Variants in PELI2 observed in about 807,000 individuals in gnomAD.
PELI2 encodes the protein E3 ubiquitin-protein ligase pellino homolog 2.
A neutral mutation model predicts 42.3 loss-of-function variants in PELI2; 23 were observed. The ratio of observed to expected loss-of-function variants is 0.54; its 90% CI spans 0.39 to 0.77. The LOEUF is 0.77. Ranked by LOEUF, PELI2 falls within the 30% of genes least tolerant of loss-of-function variation. The probability of loss-of-function intolerance (pLI) is 0.00; values close to 1 mark genes in which losing one functional copy is unlikely to be tolerated. For missense variants in PELI2, 463 were observed against 553.2 expected, an observed-to-expected ratio of 0.84 and a Z score of 1.64; for synonymous variants, 245 against 212.2, an observed-to-expected ratio of 1.15 and a Z score of -1.34.
chr14:56,168,272 C>T (rs1405221443), intron 1 of PELI2, among the ~76,000 whole-genome samples: 4 of 150,572 alleles, frequency 2.7e-5, no homozygotes, highest in African/African-American at 4.9e-5. Context: ...TGCCCCCCCC[C>T]AGACCCTGGG....
chr14:56,177,761 T>C lies in PELI2; in HGVS notation c.78-574T>C, dbSNP rs1594612795. On this transcript the variant is annotated intron_variant, in intron 1 of 5. Transcript: ENST00000267460. ...TGCTAACAAAAATATATTTAATTTC[T>C]GCAAGCTGTCTTTTGCTAATCTGAC... Among the ~76,000 whole-genome samples the C allele has an allele frequency of 2.6e-5, 4 of 152,360 alleles. No homozygotes were observed. The South Asian group carries it at 8.3e-4, about 32-fold the overall frequency.
intron 1 of PELI2, among the ~76,000 whole-genome samples, chr14:56,169,751 C>T (rs1885099650): frequency 6.6e-6 from 1 of 152,160 alleles, no homozygotes; most frequent in Non-Finnish European, 1.5e-5. Context: ...TGGGTGGAGC[C>T]TTTAATTCTG....
At chr14:56,209,601 A>G (rs1886643786) in intron 2 of PELI2, among the ~76,000 whole-genome samples, 1 of 152,206 alleles carries the variant, frequency 6.6e-6, no homozygotes, top group Admixed American at 6.5e-5. Flanking sequence ...GAATAAATGA[A>G]TAAAAATTTT....
At chr14:56,222,268 A>G (rs1225764808) in intron 2 of PELI2, among the ~76,000 whole-genome samples, 1 of 152,152 alleles carries the variant, frequency 6.6e-6, no homozygotes, top group East Asian at 1.9e-4. Flanking sequence ...CGTAGCTGTG[A>G]TTCGTTTTTT....
At chr14:56,130,693 C>T (rs1883453236) in intron 1 of PELI2, among the ~76,000 whole-genome samples, 1 of 151,634 alleles carries the variant, frequency 6.6e-6, no homozygotes, top group African/African-American at 2.4e-5. Flanking sequence ...TTATATCTTC[C>T]CTATTTACCT....
At chr14:56,287,742 A>G (rs757978652) in intron 3 of PELI2, among the ~76,000 whole-genome samples, 1 of 152,238 alleles carries the variant, frequency 6.6e-6, no homozygotes, top group Non-Finnish European at 1.5e-5. Flanking sequence ...TGAGATTTAC[A>G]AAAGAAATGT....
At chr14:56,218,192 T>C (rs985114555) in intron 2 of PELI2, among the ~76,000 whole-genome samples, 7 of 152,220 alleles carry the variant, frequency 4.6e-5, no homozygotes, top group African/African-American at 1.4e-4. Flanking sequence ...GATTAGGTAG[T>C]TGTGATCTAT....
intron 2 of PELI2, among the ~76,000 whole-genome samples, chr14:56,240,423 A>G (rs1198995446): frequency 6.6e-6 from 1 of 152,176 alleles, no homozygotes; most frequent in African/African-American, 2.4e-5. Flanking sequence ...CAAAAGTGAA[A>G]GTGTGAACTG....
chr14:56,183,413 A>G (rs1372226817), intron 2 of PELI2, among the ~76,000 whole-genome samples: 1 of 152,160 alleles, frequency 6.6e-6, no homozygotes. Flanking sequence ...AAAACATTTT[A>G]TCTGAGAGTT....
At chr14:56,163,092 G>A (rs150574746) in intron 1 of PELI2, among the ~76,000 whole-genome samples, 7 of 152,044 alleles carry the variant, frequency 4.6e-5, no homozygotes, top group African/African-American at 1.7e-4. Context: ...TTAACTTGAT[G>A]TGACAAATGG....
At chr14:56,119,452 C>T (rs1386463646) in intron 1 of PELI2, among the ~76,000 whole-genome samples, 1 of 152,154 alleles carries the variant, frequency 6.6e-6, no homozygotes, top group Non-Finnish European at 1.5e-5. Context: ...GGGCCGTATC[C>T]CCCCGGTCCC....
At chr14:56,296,391 C>G (rs918280457) in intron 5 of PELI2, among the ~76,000 whole-genome samples, 1 of 152,182 alleles carries the variant, frequency 6.6e-6, no homozygotes, top group Non-Finnish European at 1.5e-5. Context: ...GGGCTTTGTA[C>G]ATACGGCATA....
rs1889208699 is a variant in PELI2, at chr14:56,274,186, C to T, written c.208-5490C>T. On this transcript the variant is annotated intron_variant, in intron 2 of 5. Coordinates refer to ENST00000267460, the MANE Select transcript of PELI2 (RefSeq NM_021255.3). ...CAGGCTTTTTCGCAGGAAGCCAGCT[C>T]AGCCAGCAGGGAAAAGGACATTAGT... Among the ~76,000 whole-genome samples the T allele has an allele frequency of 3.7e-5, 4 of 108,724 alleles. No homozygotes were observed. In the South Asian group the frequency reaches 9.4e-4, roughly 26 times the overall value. 71.3% of individuals were successfully genotyped at this position (108,724 alleles called of 152,430 possible). A position where few individuals can be genotyped will look rare whatever the true frequency, so the allele number is the denominator to read the frequency against.
chr14:56,183,280 C>T (rs1320117051), intron 2 of PELI2, among the ~76,000 whole-genome samples: 2 of 151,998 alleles, frequency 1.3e-5, no homozygotes, highest in African/African-American at 4.8e-5. Context: ...ATCTTTAATA[C>T]TGTGCAGGAA....
At chr14:56,279,596 T>G in intron 2 of PELI2, 80 bp from the exon 3 acceptor site, 1 of 742,992 alleles carries the variant, frequency 1.3e-6, no homozygotes, top group Non-Finnish European at 2.3e-6. Flanking sequence ...GCCAGTAGAG[T>G]GGTGGCTCAT....
intron 4 of PELI2, among the ~76,000 whole-genome samples, chr14:56,289,135 G>A (rs972835523): frequency 6.6e-6 from 1 of 152,128 alleles, no homozygotes; most frequent in South Asian, 2.1e-4. Context: ...GAATATCCAG[G>A]TTTAACATAG....
intron 2 of PELI2, among the ~76,000 whole-genome samples, chr14:56,204,061 C>G (rs1055148183): frequency 7.2e-5 from 11 of 152,276 alleles, no homozygotes; most frequent in African/African-American, 2.6e-4. Flanking sequence ...GGCTGAGCTC[C>G]TGGGAGGACC....
chr14:56,250,485 AAAGT>A (rs1888307330), intron 2 of PELI2, among the ~76,000 whole-genome samples: 1 of 152,206 alleles, frequency 6.6e-6, no homozygotes, highest in South Asian at 2.1e-4. Context: ...CAAAACCTCA[AAAGT>A]AAGGAAGCCG....
intron 2 of PELI2, among the ~76,000 whole-genome samples, chr14:56,248,557 G>C (rs1447742608): frequency 6.6e-6 from 1 of 152,058 alleles, no homozygotes; most frequent in Non-Finnish European, 1.5e-5. Flanking sequence ...GAGAGGCACA[G>C]GAGAACATGG....
Sources: gnomAD v4.1 joint callset for allele counts (sites outside exome capture counted in the v4.1 genomes callset) on GRCh38, gnomAD v4.1.1 for gene constraint, MANE v1.5 for transcripts, NCBI Gene and HGNC (gene_info 2026-07-23, HGNC 2026-07-21) for gene names.